Variants in CDH9 observed in about 807,000 individuals in gnomAD.
CDH9 encodes cadherin 9.
In CDH9, 28 loss-of-function variants were observed where a neutral mutation model predicts 70.9. That is an observed-to-expected ratio of 0.40 (90% confidence interval 0.29 to 0.54). The LOEUF (loss-of-function observed/expected upper bound fraction) is 0.54. Among genes scored for constraint, CDH9 ranks in the 20% least tolerant of loss-of-function variants. CDH9 has a pLI of 0.59. For synonymous variants in CDH9, 409 were observed against 343.1 expected (o/e 1.19, Z -2.12); for missense variants, 874 against 984.4 (o/e 0.89, Z 1.50).
intron 7 of CDH9, among the ~76,000 whole-genome samples, chr5:26,898,766 G>T (rs1381222241): frequency 6.6e-6 from 1 of 152,070 alleles, no homozygotes; most frequent in Non-Finnish European, 1.5e-5. Context: ...CATAGGCAAA[G>T]ACTTCATGAC....
At chr5:26,922,968 C>T (rs373649716) in intron 2 of CDH9, among the ~76,000 whole-genome samples, 3 of 148,016 alleles carry the variant, frequency 2.0e-5, no homozygotes, top group Non-Finnish European at 1.5e-5. Flanking sequence ...AGACAAACAA[C>T]CAGAAAAAAA....
At chr5:26,915,379 G>C (rs1193164933) in intron 3 of CDH9, among the ~76,000 whole-genome samples, 1 of 151,942 alleles carries the variant, frequency 6.6e-6, no homozygotes, top group East Asian at 1.9e-4. Flanking sequence ...CCAGTTAGTA[G>C]AGTTGAGGGT....
intron 2 of CDH9, among the ~76,000 whole-genome samples, chr5:26,942,729 C>T (rs1031123827): frequency 6.6e-5 from 10 of 152,158 alleles, no homozygotes; most frequent in Non-Finnish European, 1.2e-4. Context: ...CCTGTAGATA[C>T]ATGCCTTATG....
chr5:26,957,079 C>A, intron 2 of CDH9, among the ~76,000 whole-genome samples: 1 of 146,986 alleles, frequency 6.8e-6, no homozygotes. Flanking sequence ...TTTTTTTCTA[C>A]AATATTATAA....
chr5:27,022,778 G>A (rs1202074772), intron 1 of CDH9, among the ~76,000 whole-genome samples: 2 of 151,968 alleles, frequency 1.3e-5, no homozygotes, highest in African/African-American at 2.4e-5. Flanking sequence ...GAAAATTTAG[G>A]CAATATGGAA....
intron 2 of CDH9, among the ~76,000 whole-genome samples, chr5:26,986,908 G>C (rs1020934835): frequency 5.9e-5 from 9 of 151,920 alleles, no homozygotes; most frequent in African/African-American, 2.2e-4. Flanking sequence ...ATGACCTATG[G>C]AACCAGAAAA....
intron 1 of CDH9, among the ~76,000 whole-genome samples, chr5:27,032,510 CT>C (rs1743325740): frequency 1.3e-5 from 2 of 151,648 alleles, no homozygotes; most frequent in South Asian, 4.1e-4. Context: ...TCTAGATAAA[CT>C]GGCAAAACTT....
chr5:26,995,440 G>A (rs890852141), intron 1 of CDH9, among the ~76,000 whole-genome samples: 5 of 152,098 alleles, frequency 3.3e-5, no homozygotes, highest in African/African-American at 4.8e-5. Flanking sequence ...ATGAGATTCT[G>A]TATAAACTTC....
At chr5:27,010,933 G>A (rs982325513) in intron 1 of CDH9, among the ~76,000 whole-genome samples, 33 of 152,088 alleles carry the variant, frequency 2.2e-4, no homozygotes, top group African/African-American at 7.7e-4. Context: ...TTTATCAACA[G>A]GAATCTAAGG....
intron 1 of CDH9, among the ~76,000 whole-genome samples, chr5:26,993,494 A>G (rs1742614649): frequency 6.6e-6 from 1 of 152,098 alleles, no homozygotes; most frequent in Non-Finnish European, 1.5e-5. Context: ...CAAAAATGAG[A>G]AAGTATTTGA....
intron 2 of CDH9, among the ~76,000 whole-genome samples, chr5:26,924,343 C>T (rs1025666321): frequency 6.6e-6 from 1 of 151,006 alleles, no homozygotes; most frequent in African/African-American, 2.4e-5. Flanking sequence ...AAGATTGGAC[C>T]ATGAAGAAAT....
intron 6 of CDH9, 193 bp downstream of exon 6, chr5:26,903,444 T>A (rs565965995): frequency 4.1e-5 from 28 of 682,192 alleles, no homozygotes; most frequent in Middle Eastern, 2.5e-4. Flanking sequence ...CATGAACAAC[T>A]GAGGTTTTAA....
rs763567634 is a variant in CDH9, at chr5:26,886,008, C to G, written c.1588G>C (p.Glu530Gln). 1 of 1,612,452 alleles carries G rather than the reference C, an allele frequency of 6.2e-7. No individual in the cohort carries two copies. The highest frequency in any genetic ancestry group is 2.2e-5 in the East Asian group (1 of 44,856). ...GHKFFFEPVP[E>Q]FTLNPNFTIV... ...GTGAAATTCGGATTGAGAGTAAATT[C>G]TGGCACTGGTTCAAAAAAGAATTTG... Residue 530 changes from glutamate (E) to glutamine (Q), a missense_variant, in exon 10 of 12, where the codon GAA (glutamate) becomes CAA (glutamine). Transcript: ENST00000231021.
intron 1 of CDH9, among the ~76,000 whole-genome samples, chr5:27,012,654 A>G (rs552755397): frequency 6.6e-6 from 1 of 152,156 alleles, no homozygotes; most frequent in South Asian, 2.1e-4. Context: ...TAAAATCTAC[A>G]AGACCCAAAA....
intron 1 of CDH9, among the ~76,000 whole-genome samples, chr5:27,000,702 G>A (rs894610347): frequency 4.0e-5 from 6 of 151,862 alleles, no homozygotes; most frequent in Non-Finnish European, 8.8e-5. Context: ...AAAAATTGGT[G>A]GAAAAAACCT....
At chr5:26,956,251 C>A (rs1234300083) in intron 2 of CDH9, among the ~76,000 whole-genome samples, 2 of 152,158 alleles carry the variant, frequency 1.3e-5, no homozygotes, top group East Asian at 1.9e-4. Flanking sequence ...TTCCCCTGCA[C>A]AAATTCTCTT....
chr5:26,953,289 TTCTC>T (rs1310932318), intron 2 of CDH9, among the ~76,000 whole-genome samples: 5 of 152,230 alleles, frequency 3.3e-5, no homozygotes, highest in Admixed American at 2.0e-4. Flanking sequence ...TATTAAATAT[TTCTC>T]TATTGTGCTA....
chr5:26,937,391 A>C (rs1000720269), intron 2 of CDH9, among the ~76,000 whole-genome samples: 1 of 152,160 alleles, frequency 6.6e-6, no homozygotes, highest in South Asian at 2.1e-4. Flanking sequence ...GATTTGGAGC[A>C]ATGAGAACTC....
chr5:26,880,712 A>G lies in CDH9; in HGVS notation c.*424T>C, dbSNP rs1740445260. 6.5e-6 allele frequency: 1 copy of G among 153,058 alleles called. No individual in the cohort carries two copies. Among genetic ancestry groups the G allele is most frequent in the African/African-American group, 2.4e-5 (1 of 41,460 alleles). The allele number at this position is 153,058 out of a possible 1,614,324, so 9.5% of individuals were successfully genotyped here. A position where few individuals can be genotyped will look rare whatever the true frequency, so the allele number is the denominator to read the frequency against. ...CTTCAACTAAATAAATATGGCAGTA[A>G]TAGTCATTCCTATTTCATTAGGGAT... On this transcript the variant is annotated 3_prime_UTR_variant, in exon 12 of 12. Coordinates refer to ENST00000231021, the MANE Select transcript of CDH9 (RefSeq NM_016279.4).
Sources: gnomAD v4.1 joint callset for allele counts (sites outside exome capture counted in the v4.1 genomes callset) on GRCh38, gnomAD v4.1.1 for gene constraint, MANE v1.5 for transcripts, NCBI Gene and HGNC (gene_info 2026-07-23, HGNC 2026-07-21) for gene names.